FGGY: variants seen among roughly 807,000 people sequenced by gnomAD.
FGGY encodes FGGY carbohydrate kinase domain containing.
In FGGY, 72 loss-of-function variants were observed where a neutral mutation model predicts 71.3. That is an observed-to-expected ratio of 1.01 (90% CI 0.84 to 1.23). FGGY has a LOEUF of 1.23. Among genes scored for constraint, FGGY ranks in the 50% most tolerant of loss-of-function variants. The pLI is 0.00. For missense variants in FGGY, 668 were observed against 682.3 expected (o/e 0.98, Z 0.23); for synonymous variants, 251 against 250.3 (o/e 1.00, Z -0.02).
At chr1:59,615,727 A>G (rs2096745283) in intron 9 of FGGY, among the ~76,000 whole-genome samples, 1 of 152,222 alleles carries the variant, frequency 6.6e-6, no homozygotes, top group Non-Finnish European at 1.5e-5. Context: ...GAATGGGAGA[A>G]AATTTTTGCA....
At chr1:59,644,676 CAT>C (rs2097073183) in intron 11 of FGGY, among the ~76,000 whole-genome samples, 1 of 151,124 alleles carries the variant, frequency 6.6e-6, no homozygotes, top group African/African-American at 2.4e-5. Context: ...CATGGTCACA[CAT>C]AAAGGTAGAT....
intron 6 of FGGY, among the ~76,000 whole-genome samples, chr1:59,465,179 T>TCACCCCTGGGATGTAAGGCGGTTC (rs1196743811): frequency 1.3e-5 from 2 of 152,222 alleles, no homozygotes; most frequent in African/African-American, 2.4e-5. Flanking sequence ...CAAGTTGGTT[T>TCACCCCTGGGATGTAAGGCGGTTC]CACCCCTGGG....
At chr1:59,464,039 C>T (rs543670530) in intron 6 of FGGY, among the ~76,000 whole-genome samples, 23 of 152,294 alleles carry the variant, frequency 1.5e-4, no homozygotes, top group African/African-American at 5.5e-4. Context: ...CAGAACTCTC[C>T]ACCCCTAATC....
At chr1:59,718,681 G>A (rs146018387) in intron 14 of FGGY, among the ~76,000 whole-genome samples, 51 of 152,288 alleles carry the variant, frequency 3.3e-4, no homozygotes, top group Non-Finnish European at 5.4e-4. Flanking sequence ...TCCAAAGTGA[G>A]TTTACCCAGA....
At chr1:59,301,706 C>CTTTTTTTTTTTT (rs34290988) in intron 1 of FGGY, among the ~76,000 whole-genome samples, 3 of 54,956 alleles carry the variant, frequency 5.5e-5, no homozygotes, top group East Asian at 6.3e-4. Context: ...TGTGATCATT[C>CTTTTTTTTTTTT]TTTTTTTTTT....
intron 14 of FGGY, among the ~76,000 whole-genome samples, chr1:59,747,231 T>C (rs2098206358): frequency 6.6e-6 from 1 of 152,192 alleles, no homozygotes; most frequent in Non-Finnish European, 1.5e-5. Context: ...GAGAAATCCA[T>C]AAGAAGTAAG....
chr1:59,726,559 C>G (rs72668017), intron 14 of FGGY, among the ~76,000 whole-genome samples: 1 of 151,964 alleles, frequency 6.6e-6, no homozygotes, highest in Admixed American at 6.6e-5. Context: ...TTGGGCCTGG[C>G]ACTTTGGTTT....
At chr1:59,699,562 G>C (rs1455975669) in intron 14 of FGGY, among the ~76,000 whole-genome samples, 1 of 152,082 alleles carries the variant, frequency 6.6e-6, no homozygotes, top group African/African-American at 2.4e-5. Context: ...ATGGTACCCT[G>C]GGCGAGGTAG....
chr1:59,400,152 A>G (rs2061771549), intron 5 of FGGY, among the ~76,000 whole-genome samples: 1 of 152,170 alleles, frequency 6.6e-6, no homozygotes, highest in Admixed American at 6.5e-5. Flanking sequence ...GTTTCATGAT[A>G]TTTCAGCCTG....
At chr1:59,464,423 A>C (rs2092471462) in intron 6 of FGGY, among the ~76,000 whole-genome samples, 1 of 152,246 alleles carries the variant, frequency 6.6e-6, no homozygotes, top group Admixed American at 6.5e-5. Flanking sequence ...GGAAAGATCC[A>C]AAATTGACAC....
intron 5 of FGGY, among the ~76,000 whole-genome samples, chr1:59,453,761 A>C (rs1428085442): frequency 6.6e-6 from 1 of 152,204 alleles, no homozygotes; most frequent in Non-Finnish European, 1.5e-5. Flanking sequence ...ACTGGCATGC[A>C]GTTACTTCTG....
At chr1:59,557,476 T>C (rs2095708848) in intron 8 of FGGY, among the ~76,000 whole-genome samples, 1 of 152,184 alleles carries the variant, frequency 6.6e-6, no homozygotes. Context: ...TACCTCCAGG[T>C]TCCTGTTGCT....
At chr1:59,507,876 G>A (rs930301009) in intron 6 of FGGY, among the ~76,000 whole-genome samples, 4 of 152,014 alleles carry the variant, frequency 2.6e-5, no homozygotes, top group Admixed American at 1.3e-4. Context: ...ACTTACAGTC[G>A]TGCCCCTCTG....
At chr1:59,632,997 ATTTC>A (rs1464285434) in intron 10 of FGGY, among the ~76,000 whole-genome samples, 37 of 145,840 alleles carry the variant, frequency 2.5e-4, no homozygotes, top group African/African-American at 9.4e-4. Flanking sequence ...ATTATTATAC[ATTTC>A]TTTTTTTTTT....
intron 6 of FGGY, among the ~76,000 whole-genome samples, chr1:59,483,659 A>G (rs915182722): frequency 2.0e-5 from 3 of 152,128 alleles, no homozygotes; most frequent in African/African-American, 7.2e-5. Flanking sequence ...TTACCAACCT[A>G]AGCATTTCCT....
chr1:59,653,525 TCC>T (rs2097188284), intron 11 of FGGY, among the ~76,000 whole-genome samples: 1 of 152,066 alleles, frequency 6.6e-6, no homozygotes, highest in African/African-American at 2.4e-5. Context: ...TCCAGGTGCG[TCC>T]GTCACCCCTT....
intron 2 of FGGY, among the ~76,000 whole-genome samples, chr1:59,338,002 C>T (rs1456522544): frequency 6.6e-6 from 1 of 152,076 alleles, no homozygotes; most frequent in Non-Finnish European, 1.5e-5. Context: ...GTAGATGCTC[C>T]TTATCAGGTT....
intron 8 of FGGY, among the ~76,000 whole-genome samples, chr1:59,580,450 C>T (rs763003945): frequency 1.3e-5 from 2 of 152,132 alleles, no homozygotes; most frequent in Non-Finnish European, 2.9e-5. Context: ...CTCTCAGACT[C>T]CAGTTTCATA....
At chr1:59,331,464 G>A (rs1360678600) in intron 2 of FGGY, among the ~76,000 whole-genome samples, 1 of 151,866 alleles carries the variant, frequency 6.6e-6, no homozygotes, top group Non-Finnish European at 1.5e-5. Context: ...GGACCTCTGC[G>A]CTCGCTGTTC....
Sources: gnomAD v4.1 joint callset for allele counts (sites outside exome capture counted in the v4.1 genomes callset) on GRCh38, gnomAD v4.1.1 for gene constraint, MANE v1.5 for transcripts, NCBI Gene and HGNC (gene_info 2026-07-23, HGNC 2026-07-21) for gene names.